CTNNA3: variants seen among roughly 807,000 people sequenced by gnomAD.
CTNNA3 encodes catenin alpha-3.
A neutral mutation model predicts 95.7 loss-of-function variants in CTNNA3; 76 were observed. The observed-to-expected ratio is 0.79, with a 90% CI of 0.66 to 0.96. The LOEUF (loss-of-function observed/expected upper bound fraction) is 0.96, where lower values mean the gene tolerates loss of function less well. Ranked by LOEUF, CTNNA3 falls within the 40% of genes least tolerant of loss-of-function variation. The pLI, the probability that CTNNA3 is intolerant of heterozygous loss-of-function variation, is 0.00. For synonymous variants in CTNNA3, 431 were observed against 374.4 expected, an observed-to-expected ratio of 1.15 and a Z score of -1.74; for missense variants, 1,191 against 1,089.8, an observed-to-expected ratio of 1.09 and a Z score of -1.31.
intron 7 of CTNNA3, among the ~76,000 whole-genome samples, chr10:66,807,835 C>T (rs4472822): frequency 0.55 from 83,413 of 151,840 alleles, 23,476 homozygotes; most frequent in East Asian, 0.76. Context: ...TAAGCTTTCT[C>T]GCATTTTTTA....
chr10:65,935,933 G>C (rs2077330180), intron 17 of CTNNA3, among the ~76,000 whole-genome samples: 1 of 152,136 alleles, frequency 6.6e-6, no homozygotes, highest in South Asian at 2.1e-4. Flanking sequence ...TGATAAAGAA[G>C]TGAGATGGTC....
At chr10:67,656,349 A>G (rs530142110) in intron 1 of CTNNA3, among the ~76,000 whole-genome samples, 22 of 152,318 alleles carry the variant, frequency 1.4e-4, no homozygotes, top group African/African-American at 4.8e-4. Context: ...GCAATAATCT[A>G]TATAAACTCT....
chr10:67,727,766 A>G (rs572258050), intron 1 of CTNNA3, among the ~76,000 whole-genome samples: 40 of 125,958 alleles, frequency 3.2e-4, no homozygotes, highest in Non-Finnish European at 2.7e-4. Flanking sequence ...TATATATTAT[A>G]TATAATATAT....
chr10:67,698,515 G>A (rs1841007864), upstream of CTNNA3, among the ~76,000 whole-genome samples: 1 of 152,150 alleles, frequency 6.6e-6, no homozygotes, highest in African/African-American at 2.4e-5. Context: ...GGTGCAATAT[G>A]TTCTTTAGTC....
At chr10:66,585,574 T>C (rs1157326040) in intron 10 of CTNNA3, among the ~76,000 whole-genome samples, 1 of 151,964 alleles carries the variant, frequency 6.6e-6, no homozygotes, top group Non-Finnish European at 1.5e-5. Flanking sequence ...TCCATCTCTT[T>C]AGAAAAGTTT....
chr10:67,519,237 T>A (rs1029481236), intron 5 of CTNNA3, among the ~76,000 whole-genome samples: 1 of 151,858 alleles, frequency 6.6e-6, no homozygotes, highest in African/African-American at 2.4e-5. Flanking sequence ...GAGAAAGAAA[T>A]CTCTCAAAGA....
intron 10 of CTNNA3, among the ~76,000 whole-genome samples, chr10:66,603,510 T>C (rs1228373340): frequency 6.6e-6 from 1 of 152,162 alleles, no homozygotes; most frequent in African/African-American, 2.4e-5. Context: ...ATGTGTCTAC[T>C]ACCTAAAGTG....
chr10:66,932,618 T>C (rs1415610499), intron 7 of CTNNA3, among the ~76,000 whole-genome samples: 3 of 152,134 alleles, frequency 2.0e-5, no homozygotes, highest in Non-Finnish European at 4.4e-5. Context: ...TAGGTAAATT[T>C]GAATGACACA....
intron 13 of CTNNA3, among the ~76,000 whole-genome samples, chr10:66,232,494 C>A (rs558535231): frequency 2.2e-3 from 335 of 151,982 alleles, no homozygotes; most frequent in African/African-American, 7.4e-3. Context: ...GATTTCAGTT[C>A]TCTTCAAGTT....
intron 11 of CTNNA3, among the ~76,000 whole-genome samples, chr10:66,505,452 TG>T (rs1840417826): frequency 6.6e-6 from 1 of 152,130 alleles, no homozygotes; most frequent in African/African-American, 2.4e-5. Flanking sequence ...AACATGAAAA[TG>T]TAATCACAGA....
At position 67,310,398 on chromosome 10, in the gene CTNNA3, C is replaced by CA. The variant is rs934699317; in HGVS notation, c.580-90529dup. Among the ~76,000 whole-genome samples, 20 of 152,070 alleles carry CA rather than the reference C, an allele frequency of 1.3e-4. No individual in the cohort carries two copies. In the East Asian group the frequency reaches 2.3e-3, roughly 18 times the overall value. Reference sequence around the variant, plus strand: ...CTGTGATGTCCTTCACACACACACACAAAAAAACTTCTTTTTAAAAGCAAA... The same window carrying CA: ...CTGTGATGTCCTTCACACACACACACAAAAAAAACTTCTTTTTAAAAGCAAA... On this transcript the variant is annotated intron_variant, in intron 5 of 17. Transcript: ENST00000433211.
At chr10:67,123,098 T>A (rs1859546058) in intron 7 of CTNNA3, among the ~76,000 whole-genome samples, 1 of 152,118 alleles carries the variant, frequency 6.6e-6, no homozygotes, top group South Asian at 2.1e-4. Context: ...TCAGAGTATG[T>A]GCAGCCCATA....
chr10:66,672,705 C>G (rs1237841769), intron 9 of CTNNA3, among the ~76,000 whole-genome samples: 1 of 152,000 alleles, frequency 6.6e-6, no homozygotes, highest in Admixed American at 6.6e-5. Flanking sequence ...AGAGACCCTC[C>G]ATCACATCTG....
At chr10:66,908,579 C>T (rs1846091195) in intron 7 of CTNNA3, among the ~76,000 whole-genome samples, 1 of 152,142 alleles carries the variant, frequency 6.6e-6, no homozygotes, top group Admixed American at 6.5e-5. Context: ...GGTTAAGTTT[C>T]CTAACTTGTG....
At chr10:67,587,601 T>A (rs1478179907) in intron 3 of CTNNA3, among the ~76,000 whole-genome samples, 1 of 152,188 alleles carries the variant, frequency 6.6e-6, no homozygotes, top group African/African-American at 2.4e-5. Context: ...GAGTTTCTGT[T>A]GTGACTAGGG....
chr10:66,744,409 T>G (rs890429027), intron 9 of CTNNA3, among the ~76,000 whole-genome samples: 1 of 152,170 alleles, frequency 6.6e-6, no homozygotes, highest in African/African-American at 2.4e-5. Context: ...TTATAGATCA[T>G]CAACTTCCAT....
At chr10:67,454,443 G>C (rs71496043) in intron 5 of CTNNA3, among the ~76,000 whole-genome samples, 1,681 of 152,216 alleles carry the variant, frequency 0.011, 25 homozygotes, top group Non-Finnish European at 0.015. Context: ...GAGAAAAGAA[G>C]AACTAAAGCA....
chr10:67,390,303 A>C (rs1261887788), intron 5 of CTNNA3, among the ~76,000 whole-genome samples: 1 of 152,228 alleles, frequency 6.6e-6, no homozygotes, highest in Non-Finnish European at 1.5e-5. Flanking sequence ...TAGAAAATCT[A>C]GAAGAAATGG....
At chr10:67,237,173 T>TATATATATATATATAC (rs1554810783) in intron 5 of CTNNA3, among the ~76,000 whole-genome samples, 1 of 112,816 alleles carries the variant, frequency 8.9e-6, no homozygotes, top group African/African-American at 3.4e-5. Context: ...TATATATATA[T>TATATATATATATATAC]ACACACACAA....
Sources: allele counts gnomAD v4.1 joint callset (sites outside exome capture counted in the v4.1 genomes callset), GRCh38; gene constraint gnomAD v4.1.1; transcripts MANE v1.5; gene names NCBI Gene and HGNC (gene_info 2026-07-23, HGNC 2026-07-21).